Variants in CDH1 observed in about 807,000 individuals in gnomAD.
CDH1 encodes cadherin 1.
CDH1 carries 35 observed loss-of-function variants against 84.5 expected under a neutral mutation model. The ratio of observed to expected loss-of-function variants is 0.41; its 90% CI spans 0.32 to 0.55. The LOEUF (loss-of-function observed/expected upper bound fraction) is 0.55, where lower values mean the gene tolerates loss of function less well. Ranked by LOEUF, CDH1 falls within the 20% of genes least tolerant of loss-of-function variation. The probability of loss-of-function intolerance (pLI) is 0.19; values close to 1 mark genes in which losing one functional copy is unlikely to be tolerated. For missense variants in CDH1, 994 were observed against 1,126.6 expected (o/e 0.88, Z 1.68); for synonymous variants, 417 against 439.0 (o/e 0.95, Z 0.63).
intron 2 of CDH1, among the ~76,000 whole-genome samples, chr16:68,797,081 CAT>C (rs774777742): frequency 3.0e-4 from 45 of 152,218 alleles, no homozygotes; most frequent in Non-Finnish European, 6.2e-4. Flanking sequence ...ATATTCTACA[CAT>C]GTTTAAAATA....
At chr16:68,820,679 C>G (rs1383942958) in intron 11 of CDH1, among the ~76,000 whole-genome samples, 1 of 152,040 alleles carries the variant, frequency 6.6e-6, no homozygotes, top group East Asian at 1.9e-4. Context: ...CCCTCAATTC[C>G]TTTACCTGAA....
intron 2 of CDH1, among the ~76,000 whole-genome samples, chr16:68,786,041 C>A (rs1960036342): frequency 6.6e-6 from 1 of 152,196 alleles, no homozygotes; most frequent in South Asian, 2.1e-4. Context: ...GTGGTGGTAG[C>A]AACAGTACCA....
rs201805406 is a variant in CDH1 at position 68,829,370 on chromosome 16, T to C, written c.2296-284T>C. On this transcript the variant is annotated intron_variant, in intron 14 of 15. Coordinates refer to ENST00000261769, the MANE Select transcript of CDH1 (RefSeq NM_004360.5). Reference sequence around the variant, plus strand: ...CTGGGGTTGGGAGGGAGTGAATATTTGCCAAACAGTGATCTAATCATCATG... The same window carrying C: ...CTGGGGTTGGGAGGGAGTGAATATTCGCCAAACAGTGATCTAATCATCATG... 3.3e-5 allele frequency among the ~76,000 whole-genome samples: 5 copies of C among 152,160 alleles called. No individual in the cohort carries two copies. The East Asian group carries it at 7.7e-4, about 23-fold the overall frequency.
At chr16:68,818,250 A>G (rs1218361522) in intron 10 of CDH1, among the ~76,000 whole-genome samples, 3 of 151,592 alleles carry the variant, frequency 2.0e-5, no homozygotes, top group Non-Finnish European at 2.9e-5. Flanking sequence ...AAAAAAAAAA[A>G]AAAAGAAAAG....
chr16:68,804,552 G>A (rs1960600955), intron 3 of CDH1, among the ~76,000 whole-genome samples: 1 of 152,012 alleles, frequency 6.6e-6, no homozygotes, highest in South Asian at 2.1e-4. Context: ...TACATTTCTG[G>A]AATGTATATT....
At chr16:68,740,263 C>G (rs1020193560) in intron 2 of CDH1, among the ~76,000 whole-genome samples, 1 of 152,120 alleles carries the variant, frequency 6.6e-6, no homozygotes, top group Non-Finnish European at 1.5e-5. Context: ...CTTTAGCAAT[C>G]ACGCTGTTGT....
rs786202965 is a variant in CDH1, at chr16:68,822,123, A to G, written c.1834A>G (p.Ile612Val). 1.9e-6 allele frequency: 3 copies of G among 1,614,188 alleles called. No individual in the cohort carries two copies. Among genetic ancestry groups the G allele is most frequent in the Admixed American group, 1.7e-5 (1 of 60,026 alleles). The change falls in exon 12 of 16, where the codon ATA becomes GTA. Residue 612 changes from isoleucine to valine, a missense_variant. By Grantham distance (29) the Ile-to-Val change is conservative (BLOSUM62 3). This residue lies in a region of CDH1 where 769 missense variants were observed against 881.8 expected (regional missense o/e 0.87). Coordinates refer to ENST00000261769, the MANE Select transcript of CDH1 (RefSeq NM_004360.5). ...FCERNPKPQV[I>V]NIIDADLPPN... ...TGAGAGGAATCCAAAGCCTCAGGTCATAAACATCATTGATGCAGACCTTCC... is the reference window on the plus strand; with the variant it reads ...TGAGAGGAATCCAAAGCCTCAGGTCGTAAACATCATTGATGCAGACCTTCC...
Position 68,833,471 on chromosome 16 carries a change from A to T in CDH1, c.2621A>T (p.Asp874Val), listed in dbSNP as rs1041206186. The change falls in exon 16 of 16, where the codon GAC becomes GTC. Residue 874 changes from aspartate to valine, a missense_variant. This residue lies in a region of CDH1 where 769 missense variants were observed against 881.8 expected (regional missense o/e 0.87). Transcript: ENST00000261769. ...GGCAATCGCTTCAAGAAGCTGGCTGACATGTACGGAGGCGGCGAGGACGAC... is the reference window on the plus strand; with the variant it reads ...GGCAATCGCTTCAAGAAGCTGGCTGTCATGTACGGAGGCGGCGAGGACGAC... ...EWGNRFKKLA[D>V]MYGGGEDD 6.2e-7 allele frequency: 1 copy of T among 1,614,110 alleles called. No homozygotes were observed. Among genetic ancestry groups the T allele is most frequent in the African/African-American group, 1.3e-5 (1 of 75,042 alleles).
Position 68,813,377 on chromosome 16 carries a change from C to G in CDH1, c.1202C>G (p.Ala401Gly), listed in dbSNP as rs150795245. The change falls in exon 9 of 16, where the codon GCT (alanine) becomes GGT (glycine). Residue 401 changes from alanine to glycine, a missense_variant. Around this residue, in one of 3 missense-constraint regions of CDH1, gnomAD observed 769 missense variants for 881.8 expected, o/e 0.87. Transcript: ENST00000261769. ...ATCACCACACTGAAAGTGACTGATG[C>G]TGATGCCCCCAATACCCCAGCGTGG... is the stretch of plus-strand genomic sequence containing the variant. Reference protein sequence around the residue: ...VVITTLKVTDADAPNTPAWEA... With the variant: ...VVITTLKVTDGDAPNTPAWEA... 1.2e-6 allele frequency: 2 copies of G among 1,614,154 alleles called. No homozygotes were observed. The highest frequency in any genetic ancestry group is 8.5e-7 in the Non-Finnish European group (1 of 1,180,024).
rs1597895701 is a variant in CDH1 at position 68,813,319 on chromosome 16, G to C, written c.1144G>C (p.Gly382Arg). Reference protein sequence around the residue: ...PPIFNPTTYKGQVPENEANVV... With the variant: ...PPIFNPTTYKRQVPENEANVV... ...ACATCTCTTTGCTCTGCAGTACAAG[G>C]GTCAGGTGCCTGAGAACGAGGCTAA... is the stretch of plus-strand genomic sequence containing the variant. The change falls in exon 9 of 16, where the codon GGT becomes CGT. Residue 382 changes from glycine (G) to arginine (R), a missense_variant. Gly to Arg is a moderately radical substitution (Grantham distance 125, BLOSUM62 -2). Coordinates refer to ENST00000261769, the MANE Select transcript of CDH1 (RefSeq NM_004360.5). The C allele has an allele frequency of 6.2e-7, 1 of 1,614,104 alleles. No homozygotes were observed. The highest frequency in any genetic ancestry group is 8.5e-7 in the Non-Finnish European group (1 of 1,180,008).
chr16:68,811,055 C>T (rs1362415125), intron 6 of CDH1, among the ~76,000 whole-genome samples: 1 of 151,908 alleles, frequency 6.6e-6, no homozygotes, highest in Admixed American at 6.6e-5. Flanking sequence ...TACCTTAAAG[C>T]CCTAAACAAT....
Position 68,808,503 on chromosome 16 carries a change from G to A in CDH1, c.467G>A (p.Trp156Ter), listed in dbSNP as rs1555515215. 1 of 1,614,106 alleles carries A rather than the reference G, an allele frequency of 6.2e-7. No homozygotes were observed. Among genetic ancestry groups the A allele is most frequent in the Non-Finnish European group, 8.5e-7 (1 of 1,179,992 alleles). ...SPGLRRQKRD[W>*]VIPPISCPEN... Reference sequence around the variant, plus strand: ...GGCCTCAGAAGACAGAAGAGAGACTGGGTTATTCCTCCCATCAGCTGCCCA... The same window carrying A: ...GGCCTCAGAAGACAGAAGAGAGACTAGGTTATTCCTCCCATCAGCTGCCCA... The change falls in exon 4 of 16, where the codon TGG becomes TAG. Residue 156 changes from tryptophan to a stop codon, truncating the protein, a stop_gained. Coordinates refer to ENST00000261769, the MANE Select transcript of CDH1 (RefSeq NM_004360.5). LOFTEE classifies it high-confidence loss of function.
chr16:68,808,464 C>A lies in CDH1; in HGVS notation c.428C>A (p.Pro143His), dbSNP rs777714207. 7 of 1,614,120 alleles carry A rather than the reference C, an allele frequency of 4.3e-6. No homozygotes were observed. Among genetic ancestry groups the A allele is most frequent in the Non-Finnish European group, 5.9e-6 (7 of 1,180,016 alleles). The change falls in exon 4 of 16, where the codon CCC (proline) becomes CAC (histidine). Residue 143 changes from proline to histidine, a missense_variant. Physicochemically the swap from Pro to His is moderately conservative, Grantham distance 77. This residue lies in a region of CDH1 where 203 missense variants were observed against 194.0 expected (regional missense o/e 1.05). Coordinates refer to ENST00000261769, the MANE Select transcript of CDH1 (RefSeq NM_004360.5). ...ATCCAAGCAGAATTGCTCACATTTC[C>A]CAACTCCTCTCCTGGCCTCAGAAGA... Reference protein sequence around the residue: ...SGIQAELLTFPNSSPGLRRQK... With the variant: ...SGIQAELLTFHNSSPGLRRQK...
At chr16:68,802,111 A>C (rs773020620) in intron 3 of CDH1, among the ~76,000 whole-genome samples, 2 of 152,178 alleles carry the variant, frequency 1.3e-5, no homozygotes, top group Non-Finnish European at 2.9e-5. Context: ...GTATCTCCAC[A>C]TGTTGCCCAT....
chr16:68,741,028 G>A (rs911796786), intron 2 of CDH1, among the ~76,000 whole-genome samples: 12 of 151,862 alleles, frequency 7.9e-5, no homozygotes, highest in Middle Eastern at 3.4e-3. Flanking sequence ...TGACAGGGTG[G>A]GACCTCCGAG....
At chr16:68,754,420 A>G (rs1962969465) in intron 2 of CDH1, among the ~76,000 whole-genome samples, 1 of 152,154 alleles carries the variant, frequency 6.6e-6, no homozygotes, top group African/African-American at 2.4e-5. Flanking sequence ...TCAAGAAAAA[A>G]GAAAAGTATT....
intron 2 of CDH1, among the ~76,000 whole-genome samples, chr16:68,753,212 C>CAAAAAAA (rs55703202): frequency 1.3e-4 from 9 of 70,092 alleles, no homozygotes; most frequent in African/African-American, 4.7e-4. Flanking sequence ...GACTCAGTCT[C>CAAAAAAA]AAAAAAAAAA....
At chr16:68,784,895 G>A (rs987887506) in intron 2 of CDH1, among the ~76,000 whole-genome samples, 4 of 151,502 alleles carry the variant, frequency 2.6e-5, no homozygotes, top group Non-Finnish European at 5.9e-5. Context: ...GCGGGAGCAG[G>A]CCCCTCCTAC....
chr16:68,796,085 C>T (rs956053520), intron 2 of CDH1, among the ~76,000 whole-genome samples: 4 of 151,906 alleles, frequency 2.6e-5, no homozygotes, highest in African/African-American at 7.2e-5. Context: ...ATGGCTTGAA[C>T]CCGGGAGGTG....
Sources: gnomAD v4.1 joint callset for allele counts (sites outside exome capture counted in the v4.1 genomes callset) on GRCh38, gnomAD v4.1.1 for gene constraint, gnomAD v4.1.1 regional missense constraint, MANE v1.5 for transcripts, NCBI Gene and HGNC (gene_info 2026-07-23, HGNC 2026-07-21) for gene names.